Variants in SEC31B observed in about 807,000 individuals in gnomAD.
SEC31B encodes the protein protein transport protein Sec31B.
Under a neutral mutation model 135.0 loss-of-function variants are expected in SEC31B, and 113 were observed. That is an observed-to-expected ratio of 0.84 (90% confidence interval 0.72 to 0.98). The LOEUF is 0.98. Ranked by LOEUF, SEC31B falls within the 50% of genes least tolerant of loss-of-function variation. The pLI, the probability that SEC31B is intolerant of heterozygous loss-of-function variation, is 0.00. For missense variants in SEC31B, 1,296 were observed against 1,421.1 expected (o/e 0.91, Z 1.42); for synonymous variants, 508 against 549.4 (o/e 0.92, Z 1.05).
Position 100,502,456 on chromosome 10 carries a change from A to G in SEC31B, c.1208T>C (p.Leu403Pro). The G allele has an allele frequency of 6.2e-7, 1 of 1,613,512 alleles. No individual in the cohort carries two copies. Among genetic ancestry groups the G allele is most frequent in the South Asian group, 1.1e-5 (1 of 91,030 alleles). Residue 403 changes from leucine to proline, a missense_variant, in exon 11 of 26, where the codon CTC (leucine) becomes CCC (proline). Transcript: ENST00000370345. ...AFGGKLVTFG[L>P]PSTPAHLVPQ... ...CACCAGATGGGCAGGGGTGCTGGGG[A>G]GGCCAAAAGTAACCAGCTTCCCTCC...
intron 19 of SEC31B, among the ~76,000 whole-genome samples, chr10:100,493,372 CAA>C (rs561941798): frequency 1.5e-5 from 2 of 130,288 alleles, no homozygotes; most frequent in Admixed American, 7.8e-5. Flanking sequence ...GACTCCATCT[CAA>C]AAAAAAAAAA....
chr10:100,517,873 C>G (rs1057363620), intron 1 of SEC31B, among the ~76,000 whole-genome samples: 1 of 152,112 alleles, frequency 6.6e-6, no homozygotes, highest in Non-Finnish European at 1.5e-5. Context: ...CCCTCCTTCT[C>G]CCTCATTCTC....
In SEC31B at chr10:100,497,148, G is replaced by A; in HGVS notation, c.2123C>T (p.Pro708Leu). 1.2e-6 allele frequency: 2 copies of A among 1,614,146 alleles called. No homozygotes were observed. Among genetic ancestry groups the A allele is most frequent in the Non-Finnish European group, 1.7e-6 (2 of 1,180,024 alleles). The change falls in exon 17 of 26, where the codon CCC becomes CTC. Residue 708 changes from proline (P) to leucine (L), a missense_variant. Transcript: ENST00000370345. The part of the protein sequence containing the change: ...CWAKCHQALS[P>L]MALQDLMEKV... ...GAGAAGGGGTACCTGCAGAGCCATG[G>A]GGGACAAAGCCTGGTGGCATTTTGC... is the stretch of plus-strand genomic sequence containing the variant.
At chr10:100,506,539 C>G in intron 7 of SEC31B, 119 bp from the exon 8 acceptor site, 1 of 778,480 alleles carries the variant, frequency 1.3e-6, no homozygotes, top group Non-Finnish European at 2.1e-6. Context: ...CTATAAAATG[C>G]ATGGTCTGAT....
rs201580903 is a variant in SEC31B at position 100,509,075 on chromosome 10, C to T, written c.427G>A (p.Asp143Asn). 145 of 1,614,124 alleles carry T rather than the reference C, an allele frequency of 9.0e-5. No homozygotes were observed. In the South Asian group the frequency reaches 1.0e-3, roughly 11 times the overall value. The change falls in exon 5 of 26, where the codon GAT (aspartate) becomes AAT (asparagine). Residue 143 changes from aspartate (D) to asparagine (N), a missense_variant. Physicochemically the swap from Asp to Asn is conservative, Grantham distance 23 (BLOSUM62 1). Transcript: ENST00000370345. ...AGATCCCAAATGAAGATTTCAGAAT[C>T]GCTGGCCCCTGAAGCCAGGAGGTTG... ...QGNLLASGAS[D>N]SEIFIWDLNN...
chr10:100,490,815 A>G lies in SEC31B; in HGVS notation c.2541T>C (p.Pro847=). Residue 847 remains proline (P), a synonymous_variant, in exon 20 of 26, where the codon CCT becomes CCC. Transcript: ENST00000370345. ...GACCCTGATAAGGGCTAGGATGGGA[A>G]GGTGCCAAGGGCATCGCTGGTGATG... The part of the protein sequence containing the change: ...PQSSPAMPLA[P]SHPSPYQGPR... 2 of 1,608,258 alleles carry G rather than the reference A, an allele frequency of 1.2e-6. No homozygotes were observed. The highest frequency in any genetic ancestry group is 1.7e-6 in the Non-Finnish European group (2 of 1,176,430).
chr10:100,519,358 C>G (rs1014000920), intron 1 of SEC31B, among the ~76,000 whole-genome samples: 4 of 152,282 alleles, frequency 2.6e-5, no homozygotes, highest in Admixed American at 2.0e-4. Flanking sequence ...CACCAGCTAC[C>G]CTTGGCAGTC....
In SEC31B at chr10:100,505,343, T is replaced by C. The variant is rs369558039; in HGVS notation, c.1179+18A>G. The C allele has an allele frequency of 1.7e-5, 28 of 1,612,164 alleles. No homozygotes were observed. The highest frequency in any genetic ancestry group is 2.2e-5 in the Non-Finnish European group (26 of 1,179,106). ...ACACACACAAACACACACACACCTATACATCCACTACACTTACAGCAAATG... is the reference window on the plus strand; with the variant it reads ...ACACACACAAACACACACACACCTACACATCCACTACACTTACAGCAAATG... On this transcript the variant is annotated intron_variant, in intron 10 of 25. Coordinates refer to ENST00000370345, the MANE Select transcript of SEC31B (RefSeq NM_015490.4).
intron 7 of SEC31B, 63 bp from the exon 8 acceptor site, chr10:100,506,483 A>G (rs1341211169): frequency 5.5e-6 from 8 of 1,453,274 alleles, no homozygotes; most frequent in Middle Eastern, 1.7e-4. Context: ...AGGGTGCCTT[A>G]TATGTCTTTT....
At chr10:100,502,184 C>A in intron 11 of SEC31B, 70 bp downstream of exon 11, 1 of 1,190,482 alleles carries the variant, frequency 8.4e-7, no homozygotes, top group Non-Finnish European at 1.2e-6. Context: ...GCTTCTCCTG[C>A]AGTTGACAGA....
chr10:100,502,535 T>C (rs781149992), intron 10 of SEC31B, 51 bp from the exon 11 acceptor site: 10 of 1,231,162 alleles, frequency 8.1e-6, no homozygotes, highest in Non-Finnish European at 5.8e-6. Context: ...AGTCAAAAAG[T>C]AACACTAAGT....
intron 19 of SEC31B, among the ~76,000 whole-genome samples, chr10:100,494,511 T>C (rs138875482): frequency 2.0e-5 from 3 of 152,330 alleles, no homozygotes; most frequent in African/African-American, 4.8e-5. Context: ...TCCAGCTTCA[T>C]CTAACTTCAC....
rs1851437915 is a variant in SEC31B, at chr10:100,497,666, C to A, written c.1990+1G>T. On this transcript the variant is annotated splice_donor_variant, in intron 16 of 25. Coordinates refer to ENST00000370345, the MANE Select transcript of SEC31B (RefSeq NM_015490.4). LOFTEE classifies it high-confidence loss of function. Reference sequence around the variant, plus strand: ...ATCCTGAAGCCTGGGACCACACTTACCACAGAGCTCGGGAAATTTCTCTGT... The same window carrying A: ...ATCCTGAAGCCTGGGACCACACTTAACACAGAGCTCGGGAAATTTCTCTGT... 1.2e-6 allele frequency: 2 copies of A among 1,614,090 alleles called. No homozygotes were observed. The highest frequency in any genetic ancestry group is 1.7e-5 in the Admixed American group (1 of 60,012).
In SEC31B at chr10:100,516,862, G is replaced by T. The variant is rs768981357; in HGVS notation, c.79+12C>A. ...TACTCCCAGTGGATCCTAATTCACA[G>T]TGTCACCATACCTGTGGCCAGATAC... On this transcript the variant is annotated intron_variant, in intron 2 of 25. Coordinates refer to ENST00000370345, the MANE Select transcript of SEC31B (RefSeq NM_015490.4). 6.2e-6 allele frequency: 10 copies of T among 1,605,404 alleles called. No homozygotes were observed. The South Asian group carries it at 9.9e-5, about 16-fold the overall frequency.
chr10:100,493,653 TG>T (rs1246679010), intron 19 of SEC31B, among the ~76,000 whole-genome samples: 5 of 152,180 alleles, frequency 3.3e-5, no homozygotes, highest in African/African-American at 4.8e-5. Context: ...GAGAGTCTTG[TG>T]GTGATGGTAA....
chr10:100,507,891 T>C lies in SEC31B; in HGVS notation c.639+17A>G. The C allele has an allele frequency of 6.2e-7, 1 of 1,614,222 alleles. No homozygotes were observed. The highest frequency in any genetic ancestry group is 1.1e-5 in the South Asian group (1 of 91,076). ...GAAGCCAGAGCCCAAGCCTGTGTTC[T>C]GGCCTCCAATACTCACCCTGTTGCT... On this transcript the variant is annotated intron_variant, in intron 6 of 25. Transcript: ENST00000370345.
chr10:100,487,631 A>T lies in SEC31B; in HGVS notation c.3525T>A (p.His1175Gln). 1 of 1,613,048 alleles carries T rather than the reference A, an allele frequency of 6.2e-7. No homozygotes were observed. Among genetic ancestry groups the T allele is most frequent in the Non-Finnish European group, 8.5e-7 (1 of 1,179,606 alleles). ...PILKAVLIIA[H>Q]KLLV ...GCTGCCTGGTTTAGACCAGCAGCTT[A>T]TGAGCGATGATGAGGACAGCCTTCA... The change falls in exon 26 of 26, where the codon CAT becomes CAA. Residue 1175 changes from histidine to glutamine, a missense_variant. His to Gln is a conservative substitution (Grantham distance 24, BLOSUM62 0). Transcript: ENST00000370345.
chr10:100,515,960 G>A (rs1851833625), intron 3 of SEC31B, 136 bp downstream of exon 3: 1 of 1,095,148 alleles, frequency 9.1e-7, no homozygotes, highest in African/African-American at 1.6e-5. Context: ...AATAAGCCCA[G>A]AATTAACTTT....
chr10:100,511,248 G>C (rs1851732209), intron 3 of SEC31B, among the ~76,000 whole-genome samples: 1 of 152,246 alleles, frequency 6.6e-6, no homozygotes, highest in Non-Finnish European at 1.5e-5. Context: ...ACTAGCAAGG[G>C]TAAAGCTGGC....
Sources: gnomAD v4.1 joint callset for allele counts (sites outside exome capture counted in the v4.1 genomes callset) on GRCh38, gnomAD v4.1.1 for gene constraint, MANE v1.5 for transcripts, NCBI Gene and HGNC (gene_info 2026-07-23, HGNC 2026-07-21) for gene names.